Variants in CHD1 observed in about 807,000 individuals in gnomAD.
CHD1 encodes chromodomain helicase DNA binding protein 1, also known as ATP-dependent chromatin remodeler CHD1.
Under a neutral mutation model 224.2 loss-of-function variants are expected in CHD1, and 36 were observed. The ratio of observed to expected loss-of-function variants is 0.16; its 90% CI spans 0.12 to 0.21. The LOEUF (loss-of-function observed/expected upper bound fraction) is 0.21. Ranked by LOEUF, CHD1 falls within the 10% of genes least tolerant of loss-of-function variation. The probability of loss-of-function intolerance (pLI) is 1.00; values close to 1 mark genes in which losing one functional copy is unlikely to be tolerated. For synonymous variants in CHD1, 668 were observed against 658.3 expected, an observed-to-expected ratio of 1.01 and a Z score of -0.23; for missense variants, 1,378 against 1,994.8, an observed-to-expected ratio of 0.69 and a Z score of 5.89.
intron 25 of CHD1, among the ~76,000 whole-genome samples, chr5:98,874,863 T>C (rs565653467): frequency 1.3e-5 from 2 of 152,230 alleles, no homozygotes; most frequent in African/African-American, 4.8e-5. Flanking sequence ...GTATAGATAA[T>C]TTACAGGAAA....
chr5:98,920,791 C>T (rs1456037372), intron 2 of CHD1, among the ~76,000 whole-genome samples: 3 of 145,948 alleles, frequency 2.1e-5, no homozygotes, highest in South Asian at 2.2e-4. Context: ...AGCAAGACGC[C>T]GTCTCAAAAA....
At position 98,901,328 on chromosome 5, in the gene CHD1, A is replaced by G. The variant is rs373185125; in HGVS notation, c.445T>C (p.Trp149Arg). Residue 149 changes from tryptophan to arginine, a missense_variant, in exon 6 of 36, where the codon TGG (tryptophan) becomes CGG (arginine). By Grantham distance (101) the Trp-to-Arg change is moderately radical (BLOSUM62 -3). Transcript: ENST00000614616. Reference sequence around the variant, plus strand: ...GGAGATCCTGACCCAGACATTTGCCAATCTTCACTGCAGACAAAATTTATA... The same window carrying G: ...GGAGATCCTGACCCAGACATTTGCCGATCTTCACTGCAGACAAAATTTATA... Reference protein sequence around the residue: ...VKRKKHKDEDWQMSGSGSPSQ... With the variant: ...VKRKKHKDEDRQMSGSGSPSQ... 5.6e-6 allele frequency: 9 copies of G among 1,604,766 alleles called. No homozygotes were observed. The East Asian group carries it at 6.7e-5, about 12-fold the overall frequency.
chr5:98,858,860 AT>A, intron 34 of CHD1, 103 bp downstream of exon 34: 1 of 639,774 alleles, frequency 1.6e-6, no homozygotes, highest in Non-Finnish European at 2.5e-6. Context: ...GTACTTATAA[AT>A]AAAAACAAGG....
intron 2 of CHD1, among the ~76,000 whole-genome samples, chr5:98,920,923 G>A (rs530883163): frequency 1.3e-5 from 2 of 152,232 alleles, no homozygotes; most frequent in South Asian, 4.2e-4. Context: ...CAGATGAAAG[G>A]AGACTGGGGA....
chr5:98,895,616 G>C, intron 12 of CHD1, among the ~76,000 whole-genome samples: 1 of 151,824 alleles, frequency 6.6e-6, no homozygotes, highest in Admixed American at 6.6e-5. Flanking sequence ...AGCCGGGCCT[G>C]GTGGCAGGCG....
At chr5:98,878,125 G>C (rs1300085003) in intron 23 of CHD1, among the ~76,000 whole-genome samples, 2 of 152,190 alleles carry the variant, frequency 1.3e-5, no homozygotes, top group African/African-American at 2.4e-5. Flanking sequence ...TGAGATCACA[G>C]GACCTAACAG....
chr5:98,910,002 T>A (rs1258475737), intron 2 of CHD1, among the ~76,000 whole-genome samples: 2 of 152,132 alleles, frequency 1.3e-5, no homozygotes, highest in Non-Finnish European at 2.9e-5. Context: ...AACCCAGCCA[T>A]TTTATCAAAA....
intron 2 of CHD1, among the ~76,000 whole-genome samples, chr5:98,925,099 C>G (rs974846461): frequency 6.6e-6 from 1 of 151,952 alleles, no homozygotes; most frequent in Non-Finnish European, 1.5e-5. Flanking sequence ...TGTTTCTTGT[C>G]CACCCCCATG....
chr5:98,907,691 T>C (rs1187895444), intron 2 of CHD1, among the ~76,000 whole-genome samples: 73 of 151,714 alleles, frequency 4.8e-4, no homozygotes, highest in Non-Finnish European at 1.2e-4. Flanking sequence ...CAAATGTTTA[T>C]AGAATGTTTC....
At chr5:98,882,421 G>A (rs969145713) in intron 19 of CHD1, among the ~76,000 whole-genome samples, 1 of 147,446 alleles carries the variant, frequency 6.8e-6, no homozygotes, top group Non-Finnish European at 1.5e-5. Context: ...GGGAAAATGG[G>A]GGGGGGGCAT....
intron 2 of CHD1, among the ~76,000 whole-genome samples, chr5:98,923,366 A>C (rs375781865): frequency 6.6e-6 from 1 of 152,184 alleles, no homozygotes; most frequent in African/African-American, 2.4e-5. Flanking sequence ...GCAATTATTT[A>C]AGATGAGTAT....
intron 7 of CHD1, 74 bp downstream of exon 7, chr5:98,900,737 C>T (rs1452491886): frequency 1.5e-6 from 2 of 1,315,516 alleles, no homozygotes; most frequent in African/African-American, 1.5e-5. Context: ...CAGGGGCGAC[C>T]CACTGTGCCC....
chr5:98,858,491 C>T (rs1748215324), intron 34 of CHD1, 101 bp from the exon 35 acceptor site: 1 of 867,024 alleles, frequency 1.2e-6, no homozygotes, highest in African/African-American at 1.7e-5. Flanking sequence ...CTTGCCAAAA[C>T]AAAATCGGTT....
intron 4 of CHD1, among the ~76,000 whole-genome samples, chr5:98,903,389 A>G (rs1234622227): frequency 1.3e-5 from 2 of 152,212 alleles, no homozygotes; most frequent in Non-Finnish European, 2.9e-5. Flanking sequence ...CATTGTGTAT[A>G]GTGGCCATCT....
chr5:98,911,342 G>C (rs573730729), intron 2 of CHD1, among the ~76,000 whole-genome samples: 1 of 151,680 alleles, frequency 6.6e-6, no homozygotes, highest in African/African-American at 2.4e-5. Flanking sequence ...GACAGAAACA[G>C]ACACACAGAG....
Position 98,858,185 on chromosome 5 carries a change from G to A in CHD1, c.4782C>T (p.Asp1594=), listed in dbSNP as rs140640668. Residue 1594 remains aspartate, a synonymous_variant, in exon 35 of 36, where the codon GAC becomes GAT. Transcript: ENST00000614616. ...AAAGTGACTGCCAAGTTTACCTGCT[G>A]TCTTGCTTGTAGTGATCCCAATCAC... ...DHRDWDHYKQ[D]SRYYSDREKH... The A allele has an allele frequency of 5.0e-6, 8 of 1,612,288 alleles. No individual in the cohort carries two copies. The highest frequency in any genetic ancestry group is 1.3e-5 in the African/African-American group (1 of 74,850).
rs1297464039 is a variant in CHD1, at chr5:98,873,615, A to G, written c.3549T>C (p.Ser1183=). 1 of 1,603,798 alleles carries G rather than the reference A, an allele frequency of 6.2e-7. No homozygotes were observed. The highest frequency in any genetic ancestry group is 8.5e-7 in the Non-Finnish European group (1 of 1,176,306). Residue 1183 remains serine (S), a synonymous_variant, in exon 26 of 36, where the codon AGT becomes AGC. Coordinates refer to ENST00000614616, the MANE Select transcript of CHD1 (RefSeq NM_001270.4). ...TACCTGTTCGTTCTGTTCCTGAAGA[A>G]CTATCCTTTAATGCTTTAATGCAAC... ...HNGCIKALKD[S]SSGTERTGGR...
chr5:98,926,516 G>A lies in CHD1; in HGVS notation c.-130C>T. On this transcript the variant is annotated 5_prime_UTR_variant, in exon 2 of 36. Transcript: ENST00000614616. Reference sequence around the variant, plus strand: ...TTCTTCAACAGTCACAGGTTTTCTGGGACTCTCCTTTGATTCACCTAAAGA... The same window carrying A: ...TTCTTCAACAGTCACAGGTTTTCTGAGACTCTCCTTTGATTCACCTAAAGA... The A allele has an allele frequency of 2.2e-6, 1 of 459,412 alleles. No individual in the cohort carries two copies. Among genetic ancestry groups the A allele is most frequent in the Non-Finnish European group, 3.8e-6 (1 of 266,526 alleles). 28.5% of individuals were successfully genotyped at this position (459,412 alleles called of 1,614,324 possible).
At chr5:98,882,299 G>T (rs951065117) in intron 19 of CHD1, among the ~76,000 whole-genome samples, 176 bp from the exon 20 acceptor site, 6 of 151,682 alleles carry the variant, frequency 4.0e-5, no homozygotes, top group Admixed American at 4.0e-4. Flanking sequence ...CAACTTAAGG[G>T]ACTATTTTGA....
Sources: allele counts gnomAD v4.1 joint callset (sites outside exome capture counted in the v4.1 genomes callset), GRCh38; gene constraint gnomAD v4.1.1; transcripts MANE v1.5; gene names NCBI Gene and HGNC (gene_info 2026-07-23, HGNC 2026-07-21).